The following FGF13 variants were observed in gnomAD, a reference collection of about 807,000 sequenced individuals.
FGF13 encodes the protein fibroblast growth factor 13.
A neutral mutation model predicts 19.5 loss-of-function variants in FGF13; 2 were observed. The observed-to-expected ratio is 0.10, with a 90% CI of 0.04 to 0.32. The LOEUF is 0.32. Ranked by LOEUF, FGF13 falls within the 10% of genes least tolerant of loss-of-function variation. The pLI is 1.00. For missense variants in FGF13, 113 were observed against 192.7 expected (o/e 0.59, Z 2.45); for synonymous variants, 72 against 76.9 (o/e 0.94, Z 0.33).
In FGF13 at chrX:138,627,944, T is replaced by G. The variant is rs2089080737; in HGVS notation, c.*4906A>C. 2 of 111,432 alleles carry G rather than the reference T, an allele frequency of 1.8e-5. No homozygotes were observed. The highest frequency in any genetic ancestry group is 1.9e-4 in the Admixed American group (2 of 10,419). The allele number at this position is 111,432 out of a possible 1,213,427, so 9.2% of individuals were successfully genotyped here. A position where few individuals can be genotyped will look rare whatever the true frequency, so the allele number is the denominator to read the frequency against. The stretch of plus-strand genomic sequence containing the variant: ...ACAAGATACTTGTACTCATGTGATA[T>G]TAGCAAAAGGGTTCATTAATTTGTC... On this transcript the variant is annotated 3_prime_UTR_variant, in exon 5 of 5. Transcript: ENST00000315930.
chrX:138,892,349 G>C (rs1230316518), intron 1 of FGF13, among the ~76,000 whole-genome samples: 1 of 111,444 alleles, frequency 9.0e-6, no homozygotes, highest in Non-Finnish European at 1.9e-5. Context: ...AAAATATTAA[G>C]TACAGTGTCT....
chrX:138,850,423 T>C (rs761253332), intron 3 of FGF13, among the ~76,000 whole-genome samples: 7 of 111,976 alleles, frequency 6.3e-5, no homozygotes, highest in Non-Finnish European at 1.3e-4. Context: ...GGACATAAGC[T>C]GTAAGAGAAA....
chrX:138,997,218 A>G (rs1167136656), intron 1 of FGF13, among the ~76,000 whole-genome samples: 1 of 112,498 alleles, frequency 8.9e-6, no homozygotes, highest in South Asian at 3.7e-4. Context: ...AACCACAAAG[A>G]TGGGGAGGAA....
intron 1 of FGF13, among the ~76,000 whole-genome samples, chrX:139,173,484 T>C (rs1216640757): frequency 9.0e-6 from 1 of 110,555 alleles, no homozygotes; most frequent in Non-Finnish European, 1.9e-5. Context: ...ATACGTGCCA[T>C]GGTGGTTAGC....
At chrX:138,707,592 AAT>A (rs1331492343) in intron 2 of FGF13, among the ~76,000 whole-genome samples, 1 of 112,142 alleles carries the variant, frequency 8.9e-6, no homozygotes, top group Non-Finnish European at 1.9e-5. Context: ...ACACTTGCCT[AAT>A]AGTTTCAAAT....
At chrX:138,805,920 C>G (rs2090863395) in intron 3 of FGF13, among the ~76,000 whole-genome samples, 1 of 111,169 alleles carries the variant, frequency 9.0e-6, no homozygotes. Flanking sequence ...CCTGGTATGG[C>G]TTATTATTTG....
chrX:138,853,833 T>C, downstream of FGF13, among the ~76,000 whole-genome samples: 1 of 111,628 alleles, frequency 9.0e-6, no homozygotes, highest in South Asian at 3.7e-4. Flanking sequence ...TCCCTGTAGA[T>C]TTCCAACACT....
At chrX:138,647,215 T>TG (rs1223922289) in intron 3 of FGF13, among the ~76,000 whole-genome samples, 1 of 89,253 alleles carries the variant, frequency 1.1e-5, no homozygotes, top group Non-Finnish European at 2.2e-5. Flanking sequence ...CATCCATCTC[T>TG]GGGGAAAAAA....
chrX:138,672,202 T>C (rs2089620689), intron 3 of FGF13, among the ~76,000 whole-genome samples: 1 of 110,992 alleles, frequency 9.0e-6, no homozygotes, highest in Non-Finnish European at 1.9e-5. Context: ...CGTTGAAGAA[T>C]CCATTGGAGA....
chrX:138,633,638 T>G (rs1225232748), intron 4 of FGF13, among the ~76,000 whole-genome samples: 1 of 112,010 alleles, frequency 8.9e-6, no homozygotes, highest in Non-Finnish European at 1.9e-5. Context: ...AATTTATTAT[T>G]GTGCTATAAA....
At chrX:138,699,990 T>C (rs1252772029) in intron 3 of FGF13, among the ~76,000 whole-genome samples, 3 of 111,117 alleles carry the variant, frequency 2.7e-5, no homozygotes, top group African/African-American at 9.8e-5. Flanking sequence ...GATAATCCAC[T>C]GAGCACTTCT....
At chrX:138,939,244 GTTTA>G (rs1226565728) in intron 1 of FGF13, among the ~76,000 whole-genome samples, 1 of 111,542 alleles carries the variant, frequency 9.0e-6, no homozygotes, top group Non-Finnish European at 1.9e-5. Flanking sequence ...GCTAGTAAGG[GTTTA>G]TTTATGGAAA....
intron 3 of FGF13, among the ~76,000 whole-genome samples, chrX:138,682,354 T>C (rs2089737284): frequency 8.9e-6 from 1 of 112,508 alleles, no homozygotes; most frequent in African/African-American, 3.2e-5. Context: ...AGTTGTGCCA[T>C]TCAGGTGAGC....
intron 1 of FGF13, among the ~76,000 whole-genome samples, chrX:139,086,894 T>G (rs2083407420): frequency 8.9e-6 from 1 of 112,792 alleles, no homozygotes; most frequent in Non-Finnish European, 1.9e-5. Flanking sequence ...GCCTTTTCAC[T>G]TTGCTGGGGA....
At chrX:139,164,458 C>A (rs1242516065) in intron 1 of FGF13, among the ~76,000 whole-genome samples, 1 of 110,958 alleles carries the variant, frequency 9.0e-6, no homozygotes. Context: ...TTTTAGAGCC[C>A]AGGCGGGTGG....
chrX:139,095,804 A>G (rs1357840854), intron 1 of FGF13, among the ~76,000 whole-genome samples: 1 of 112,024 alleles, frequency 8.9e-6, no homozygotes, highest in Non-Finnish European at 1.9e-5. Context: ...CTGCCTGTAT[A>G]TCTGCTCTCA....
At chrX:139,103,667 TG>T (rs1335239652) in intron 1 of FGF13, among the ~76,000 whole-genome samples, 2 of 111,940 alleles carry the variant, frequency 1.8e-5, no homozygotes, top group African/African-American at 6.5e-5. Flanking sequence ...ATGCCTTAAA[TG>T]GGTGAATTGT....
chrX:138,892,002 A>ATATGTGTGTGTGTGTGTGTGTGTGTG (rs756839627), intron 1 of FGF13, among the ~76,000 whole-genome samples: 1 of 90,369 alleles, frequency 1.1e-5, no homozygotes. Context: ...ATATATACAT[A>ATATGTGTGTGTGTGTGTGTGTGTGTG]TGTGTGTGTG....
At chrX:138,796,843 C>T (rs753659137) in intron 3 of FGF13, among the ~76,000 whole-genome samples, 24 of 111,773 alleles carry the variant, frequency 2.1e-4, no homozygotes, top group South Asian at 1.5e-3. Flanking sequence ...GTTTGTTGGC[C>T]GCATAAATGT....
Sources: allele counts gnomAD v4.1 joint callset (sites outside exome capture counted in the v4.1 genomes callset), GRCh38; gene constraint gnomAD v4.1.1; transcripts MANE v1.5; gene names NCBI Gene and HGNC (gene_info 2026-07-23, HGNC 2026-07-21).